LHFPL3: variants seen among roughly 807,000 people sequenced by gnomAD.
LHFPL3 encodes the protein LHFPL tetraspan subfamily member 3 protein.
A neutral mutation model predicts 19.3 loss-of-function variants in LHFPL3; 5 were observed. The ratio of observed to expected loss-of-function variants is 0.26; its 90% confidence interval spans 0.14 to 0.54. The LOEUF (loss-of-function observed/expected upper bound fraction) is 0.54. Among genes scored for constraint, LHFPL3 ranks in the 20% least tolerant of loss-of-function variants. The pLI, the probability that LHFPL3 is intolerant of heterozygous loss-of-function variation, is 0.94. For missense variants in LHFPL3, 249 were observed against 307.4 expected, an observed-to-expected ratio of 0.81 and a Z score of 1.42; for synonymous variants, 133 against 126.2, an observed-to-expected ratio of 1.05 and a Z score of -0.36.
At chr7:104,396,300 G>A (rs1010253947) in intron 1 of LHFPL3, among the ~76,000 whole-genome samples, 8 of 152,142 alleles carry the variant, frequency 5.3e-5, no homozygotes, top group African/African-American at 1.9e-4. Context: ...AGGAGAGCAG[G>A]AAGGAGGTCA....
chr7:104,609,702 A>C (rs986775039), intron 1 of LHFPL3, among the ~76,000 whole-genome samples: 1 of 152,230 alleles, frequency 6.6e-6, no homozygotes, highest in African/African-American at 2.4e-5. Context: ...TTTGGCTGGT[A>C]AGCAAGGAAG....
At chr7:104,572,126 A>G (rs1790241864) in intron 1 of LHFPL3, among the ~76,000 whole-genome samples, 2 of 152,180 alleles carry the variant, frequency 1.3e-5, no homozygotes, top group Admixed American at 6.5e-5. Flanking sequence ...CCAGATCAAA[A>G]AGTGTGGTGG....
At chr7:104,393,843 G>A (rs1217247403) in intron 1 of LHFPL3, among the ~76,000 whole-genome samples, 2 of 152,192 alleles carry the variant, frequency 1.3e-5, no homozygotes, top group Non-Finnish European at 2.9e-5. Flanking sequence ...AAAGAAGCTA[G>A]TCACAAAAGA....
chr7:104,754,340 C>T (rs1464728987), intron 2 of LHFPL3, among the ~76,000 whole-genome samples: 2 of 152,052 alleles, frequency 1.3e-5, no homozygotes, highest in African/African-American at 2.4e-5. Context: ...AAAATATATA[C>T]GTTAATGGTT....
At chr7:104,518,445 G>A (rs1282018277) in intron 1 of LHFPL3, among the ~76,000 whole-genome samples, 1 of 152,090 alleles carries the variant, frequency 6.6e-6, no homozygotes, top group African/African-American at 2.4e-5. Context: ...TGACTAAGAG[G>A]TTGTACCTTG....
At chr7:104,458,950 C>T (rs1450254139) in intron 1 of LHFPL3, among the ~76,000 whole-genome samples, 1 of 152,166 alleles carries the variant, frequency 6.6e-6, no homozygotes, top group Non-Finnish European at 1.5e-5. Flanking sequence ...GCACTGTCAG[C>T]CGTGGAGGTG....
intron 1 of LHFPL3, among the ~76,000 whole-genome samples, chr7:104,638,297 T>C (rs970776955): frequency 3.9e-5 from 6 of 152,332 alleles, no homozygotes; most frequent in African/African-American, 1.4e-4. Flanking sequence ...GCAGAGACTA[T>C]AGGGTTTTCT....
chr7:104,718,922 T>C (rs1793439150), intron 1 of LHFPL3, among the ~76,000 whole-genome samples: 1 of 152,192 alleles, frequency 6.6e-6, no homozygotes, highest in African/African-American at 2.4e-5. Flanking sequence ...AAGCAGGTTT[T>C]GCTGGGAGAA....
At chr7:104,626,742 A>G (rs13222581) in intron 1 of LHFPL3, among the ~76,000 whole-genome samples, 19,616 of 152,198 alleles carry the variant, frequency 0.13, 1,474 homozygotes, top group Non-Finnish European at 0.17. Flanking sequence ...TAGGGTGAGC[A>G]GGCTTATCCA....
At chr7:104,685,513 C>T (rs1316171718) in intron 1 of LHFPL3, among the ~76,000 whole-genome samples, 1 of 152,168 alleles carries the variant, frequency 6.6e-6, no homozygotes, top group Non-Finnish European at 1.5e-5. Context: ...TCTTCACCCT[C>T]TTCCACGTGG....
intron 1 of LHFPL3, among the ~76,000 whole-genome samples, chr7:104,721,383 T>A (rs563738252): frequency 6.6e-6 from 1 of 152,150 alleles, no homozygotes; most frequent in East Asian, 1.9e-4. Flanking sequence ...CACTGGGGCC[T>A]GTCGGGGAGT....
At chr7:104,735,869 T>A (rs1488378657) in intron 1 of LHFPL3, among the ~76,000 whole-genome samples, 1 of 152,254 alleles carries the variant, frequency 6.6e-6, no homozygotes, top group East Asian at 1.9e-4. Flanking sequence ...CTTTATCAGT[T>A]CATCCATTGA....
intron 2 of LHFPL3, among the ~76,000 whole-genome samples, chr7:104,852,749 T>C (rs78975547): frequency 6.6e-6 from 1 of 152,228 alleles, no homozygotes; most frequent in Non-Finnish European, 1.5e-5. Flanking sequence ...TGAATGTGTG[T>C]TTTGTAAGTG....
At chr7:104,648,735 A>G (rs1250905360) in intron 1 of LHFPL3, among the ~76,000 whole-genome samples, 1 of 152,194 alleles carries the variant, frequency 6.6e-6, no homozygotes, top group African/African-American at 2.4e-5. Context: ...AATCCTCACA[A>G]TGGCCGCCTG....
chr7:104,586,795 C>T (rs547241988), intron 1 of LHFPL3, among the ~76,000 whole-genome samples: 2 of 152,118 alleles, frequency 1.3e-5, no homozygotes, highest in African/African-American at 4.8e-5. Context: ...CTACGCCACA[C>T]AAATGTTTTA....
chr7:104,524,695 C>T (rs967273545), intron 1 of LHFPL3, among the ~76,000 whole-genome samples: 2 of 152,032 alleles, frequency 1.3e-5, no homozygotes, highest in Non-Finnish European at 2.9e-5. Context: ...GCACTAATTA[C>T]GATGCTACTT....
At chr7:104,570,103 T>A (rs1289623632) in intron 1 of LHFPL3, among the ~76,000 whole-genome samples, 1 of 152,228 alleles carries the variant, frequency 6.6e-6, no homozygotes, top group Non-Finnish European at 1.5e-5. Context: ...ACTGTTTTTG[T>A]GTTATGAAAG....
At chr7:104,899,766 C>G (rs1792446710) in intron 2 of LHFPL3, among the ~76,000 whole-genome samples, 1 of 152,142 alleles carries the variant, frequency 6.6e-6, no homozygotes, top group Admixed American at 6.6e-5. Flanking sequence ...GAGTCTTACT[C>G]TGTCACCCAG....
rs1265361363 is a variant in LHFPL3, at chr7:104,896,423, C to G, written c.683-9764C>G. Among the ~76,000 whole-genome samples the G allele has an allele frequency of 2.6e-5, 4 of 152,282 alleles. No individual in the cohort carries two copies. In the East Asian group the frequency reaches 7.7e-4, roughly 29 times the overall value. On this transcript the variant is annotated intron_variant, in intron 2 of 2. Transcript: ENST00000424859. Reference sequence around the variant, plus strand: ...ACTTGGATGGGTGAAGTGGCCCTTGCACTTGAGGAGCTCACTGTCCAAAAG... The same window carrying G: ...ACTTGGATGGGTGAAGTGGCCCTTGGACTTGAGGAGCTCACTGTCCAAAAG...
Sources: allele counts gnomAD v4.1 joint callset (sites outside exome capture counted in the v4.1 genomes callset), GRCh38; gene constraint gnomAD v4.1.1; transcripts MANE v1.5; gene names NCBI Gene and HGNC (gene_info 2026-07-23, HGNC 2026-07-21).